SPATA7: variants seen among roughly 807,000 people sequenced by gnomAD.
The protein encoded by SPATA7 is spermatogenesis-associated protein 7.
Under a neutral mutation model 51.8 loss-of-function variants are expected in SPATA7, and 43 were observed. That is an observed-to-expected ratio of 0.83 (90% CI 0.65 to 1.07). The LOEUF (loss-of-function observed/expected upper bound fraction) is 1.07, where lower values mean the gene tolerates loss of function less well. Among genes scored for constraint, SPATA7 ranks in the 50% least tolerant of loss-of-function variants. SPATA7 has a pLI of 0.00. For synonymous variants in SPATA7, 230 were observed against 252.8 expected (o/e 0.91, Z 0.86); for missense variants, 683 against 701.3 (o/e 0.97, Z 0.30).
At chr14:88,402,981 A>C (rs1423727742) in intron 4 of SPATA7, among the ~76,000 whole-genome samples, 2 of 149,468 alleles carry the variant, frequency 1.3e-5, no homozygotes, top group African/African-American at 5.0e-5. Context: ...AAAAAAAAAA[A>C]AACCCAAAAC....
Position 88,437,977 on chromosome 14 carries a change from T to C in SPATA7, c.1355T>C (p.Leu452Ser). ...EKAGNSEPNELKNESEVTIQQ... is the reference protein window; with the variant it reads ...EKAGNSEPNESKNESEVTIQQ... Reference sequence around the variant, plus strand: ...GCTGGGAATTCAGAACCAAATGAATTAAAAAATGAAAGTGAAGTAACAATT... The same window carrying C: ...GCTGGGAATTCAGAACCAAATGAATCAAAAAATGAAAGTGAAGTAACAATT... The change falls in exon 12 of 12, where the codon TTA (leucine) becomes TCA (serine). Residue 452 changes from leucine to serine, a missense_variant. Leu to Ser is a moderately radical substitution (Grantham distance 145). Transcript: ENST00000393545. 6.2e-7 allele frequency: 1 copy of C among 1,613,916 alleles called. No individual in the cohort carries two copies. The highest frequency in any genetic ancestry group is 2.2e-5 in the East Asian group (1 of 44,852).
chr14:88,396,423 A>C (rs765206700), intron 4 of SPATA7, among the ~76,000 whole-genome samples: 17 of 152,184 alleles, frequency 1.1e-4, no homozygotes, highest in Non-Finnish European at 2.2e-4. Flanking sequence ...TAGGCCCTGG[A>C]AACCAACATT....
intron 3 of SPATA7, among the ~76,000 whole-genome samples, chr14:88,452,739 C>T (rs748400809): frequency 2.6e-5 from 4 of 152,176 alleles, no homozygotes; most frequent in Non-Finnish European, 5.9e-5. Context: ...TATTTTTAAA[C>T]AAACCATGCC....
intron 4 of SPATA7, among the ~76,000 whole-genome samples, chr14:88,396,574 C>T (rs1226879750): frequency 6.6e-6 from 1 of 152,162 alleles, no homozygotes; most frequent in Non-Finnish European, 1.5e-5. Flanking sequence ...ATGATGTTCT[C>T]AAGGTTCACC....
At chr14:88,437,449 T>G (rs990455604) in intron 10 of SPATA7, 94 bp from the exon 11 acceptor site, 2 of 897,516 alleles carry the variant, frequency 2.2e-6, no homozygotes, top group Non-Finnish European at 3.6e-6. Flanking sequence ...GAAAAACATT[T>G]TTCAACCTTT....
intron 4 of SPATA7, among the ~76,000 whole-genome samples, chr14:88,413,852 A>G (rs955015301): frequency 6.6e-6 from 1 of 151,950 alleles, no homozygotes; most frequent in Non-Finnish European, 1.5e-5. Flanking sequence ...GGTGAATCGC[A>G]TTTATTGATT....
At chr14:88,422,480 C>T (rs1385117945) in intron 5 of SPATA7, among the ~76,000 whole-genome samples, 2 of 151,404 alleles carry the variant, frequency 1.3e-5, no homozygotes, top group Non-Finnish European at 2.9e-5. Context: ...TATTATTCAG[C>T]ATGAGTATAA....
rs1595309757 is a variant in SPATA7 at position 88,445,042 on chromosome 14, G to A, written c.177+7139G>A. 3.9e-5 allele frequency among the ~76,000 whole-genome samples: 6 copies of A among 152,102 alleles called. 1 individual carries two copies. On this transcript the variant is annotated intron_variant, in intron 3 of 3. Transcript: ENST00000554802. ...TGAAGAAAGTCATTGGTAGCTTGAT[G>A]GGGATGGCATTGAATCTGTAAATTA...
rs868624226 is a variant in SPATA7 at position 88,426,416 on chromosome 14, C to T, written c.557C>T (p.Ala186Val). ...TCCTCCCCGTCCAGTGTGGATTATG[C>T]AGCCTCCGGGCCCCGGAAACTGAGC... ...SSSSPSSVDY[A>V]ASGPRKLSSG... The change falls in exon 6 of 12, where the codon GCA becomes GTA. Residue 186 changes from alanine to valine, a missense_variant. Transcript: ENST00000393545. 6.2e-7 allele frequency: 1 copy of T among 1,614,212 alleles called. No homozygotes were observed. Among genetic ancestry groups the T allele is most frequent in the Non-Finnish European group, 8.5e-7 (1 of 1,180,032 alleles).
chr14:88,409,621 T>C lies in SPATA7; in HGVS notation c.239-7090T>C, dbSNP rs147196125. On this transcript the variant is annotated intron_variant, in intron 4 of 11. Coordinates refer to ENST00000393545, the MANE Select transcript of SPATA7 (RefSeq NM_018418.5). The stretch of plus-strand genomic sequence containing the variant: ...CTGCTCTGATCTTAGTTATTTCTTG[T>C]CTTCTGCTAGCTTTTGAGTTAGTTT... Among the ~76,000 whole-genome samples the C allele has an allele frequency of 1.2e-4, 19 of 152,252 alleles. No homozygotes were observed. The East Asian group carries it at 3.7e-3, about 29-fold the overall frequency.
At chr14:88,401,836 CAAAAAA>C (rs57942112) in intron 4 of SPATA7, among the ~76,000 whole-genome samples, 4 of 33,220 alleles carry the variant, frequency 1.2e-4, no homozygotes, top group Admixed American at 4.0e-4. Flanking sequence ...GACCCTGTCT[CAAAAAA>C]AAAAAAAAAA....
chr14:88,469,446 T>C lies in SPATA7; in HGVS notation c.255-401T>C, dbSNP rs138441762. 1,007 of 1,420,870 alleles carry C rather than the reference T, an allele frequency of 7.1e-4. 4 individuals are homozygous for C. The African/African-American group carries it at 0.011, about 15-fold the overall frequency. 88.0% of individuals were successfully genotyped at this position (1,420,870 alleles called of 1,614,324 possible). ...TTTCGGAAACATAAATGTTCCTCTC[T>C]GTTTAACACCTCCAGAGGCAGCTGT... On this transcript the variant is annotated intron_variant, in intron 4 of 4. Transcript: ENST00000556406. The surrounding 1 kb of genome is among the most constrained non-coding windows in gnomAD (Gnocchi z 4.3).
intron 4 of SPATA7, among the ~76,000 whole-genome samples, chr14:88,400,294 A>G (rs10146829): frequency 0.012 from 1,757 of 152,302 alleles, 35 homozygotes; most frequent in African/African-American, 0.04. Flanking sequence ...CAAAACCACA[A>G]TATACCAAAA....
chr14:88,462,741 G>T (rs915795158), intron 4 of SPATA7, among the ~76,000 whole-genome samples: 2 of 152,162 alleles, frequency 1.3e-5, no homozygotes, highest in South Asian at 4.1e-4. Flanking sequence ...ACACCACAAA[G>T]TCATTTAATG....
At chr14:88,426,147 A>G in intron 5 of SPATA7, 85 bp from the exon 6 acceptor site, 2 of 956,808 alleles carry the variant, frequency 2.1e-6, no homozygotes, top group African/African-American at 1.6e-5. Flanking sequence ...CCTTGAGGCT[A>G]TCATTTTTTT....
chr14:88,431,340 G>A (rs1051838825), intron 9 of SPATA7, 115 bp downstream of exon 9: 3 of 973,224 alleles, frequency 3.1e-6, no homozygotes, highest in Admixed American at 1.7e-5. Flanking sequence ...AAACTGGCAA[G>A]TAATAAATGT....
At chr14:88,459,398 A>T (rs899025297), downstream of SPATA7, among the ~76,000 whole-genome samples, 1 of 152,128 alleles carries the variant, frequency 6.6e-6, no homozygotes, top group Middle Eastern at 3.2e-3. Flanking sequence ...TTATGAATCT[A>T]GGTGCTCCTG....
chr14:88,393,805 C>A (rs1197204174), intron 3 of SPATA7, among the ~76,000 whole-genome samples: 1 of 152,006 alleles, frequency 6.6e-6, no homozygotes, highest in Non-Finnish European at 1.5e-5. Context: ...ATGGAAGTTG[C>A]ACAAAGAAGA....
intron 9 of SPATA7, among the ~76,000 whole-genome samples, chr14:88,431,832 C>T (rs2076948979): frequency 6.6e-6 from 1 of 152,040 alleles, no homozygotes; most frequent in Non-Finnish European, 1.5e-5. Context: ...TGTATATATA[C>T]ATTTTCTTTA....
Sources: gnomAD v4.1 joint callset for allele counts (sites outside exome capture counted in the v4.1 genomes callset) on GRCh38, gnomAD v4.1.1 for gene constraint, Gnocchi (gnomAD v3.1) non-coding constraint, MANE v1.5 for transcripts, NCBI Gene and HGNC (gene_info 2026-07-23, HGNC 2026-07-21) for gene names.